TPSD1: variants seen among roughly 807,000 people sequenced by gnomAD.
The protein encoded by TPSD1 is tryptase delta 1.
In TPSD1, 30 loss-of-function variants were observed where a neutral mutation model predicts 25.4. That is an observed-to-expected ratio of 1.18 (90% CI 0.88 to 1.60). The LOEUF (loss-of-function observed/expected upper bound fraction) is 1.60, where lower values mean the gene tolerates loss of function less well. Among genes scored for constraint, TPSD1 ranks in the 40% most tolerant of loss-of-function variants. The pLI is 0.00. For missense variants in TPSD1, 420 were observed against 324.2 expected, an observed-to-expected ratio of 1.30 and a Z score of -2.27; for synonymous variants, 176 against 149.4, an observed-to-expected ratio of 1.18 and a Z score of -1.30.
rs1185082862 is a variant in TPSD1, at chr16:1,256,172, C to A, written c.-109C>A. On this transcript the variant is annotated 5_prime_UTR_variant, in exon 1 of 5. Transcript: ENST00000211076. ...CAGCCTCAGACTCAGAGCACCAAGACCCAGGCCCGCAGGCCTGGACCCACC... is the reference window on the plus strand; with the variant it reads ...CAGCCTCAGACTCAGAGCACCAAGAACCAGGCCCGCAGGCCTGGACCCACC... 14 of 1,518,030 alleles carry A rather than the reference C, an allele frequency of 9.2e-6. No individual in the cohort carries two copies. The highest frequency in any genetic ancestry group is 1.2e-5 in the Non-Finnish European group (13 of 1,110,960). 94.0% of individuals were successfully genotyped at this position (1,518,030 alleles called of 1,614,324 possible). A position where few individuals can be genotyped will look rare whatever the true frequency, so the allele number is the denominator to read the frequency against.
rs1567577637 is a variant in TPSD1 at position 1,256,562 on chromosome 16, G to A, written c.129G>A (p.Glu43=). 1.9e-6 allele frequency: 3 copies of A among 1,611,860 alleles called. No homozygotes were observed. The highest frequency in any genetic ancestry group is 2.7e-5 in the African/African-American group (2 of 75,000). ...AAACGGGCATTGTTGGGGGGCAGGA[G>A]GCCCCCAGGAGCAAGTGGCCCTGGC... ...LQQTGIVGGQ[E]APRSKWPWQV... is the part of the protein sequence containing the mutation. The change falls in exon 2 of 5, where the codon GAG becomes GAA. Residue 43 remains glutamate, a synonymous_variant. Coordinates refer to ENST00000211076, the MANE Select transcript of TPSD1 (RefSeq NM_012217.3).
chr16:1,257,745 C>T (rs1354349565), intron 3 of TPSD1, among the ~76,000 whole-genome samples: 13 of 152,294 alleles, frequency 8.5e-5, no homozygotes, highest in African/African-American at 2.6e-4. Flanking sequence ...ATGGGCCTAG[C>T]CCAGACGAAA....
chr16:1,257,254 C>G, intron 3 of TPSD1, 192 bp downstream of exon 3: 1 of 748,768 alleles, frequency 1.3e-6, no homozygotes, highest in Non-Finnish European at 2.1e-6. Flanking sequence ...AGGGCCTGGG[C>G]GTCCCCCACC....
Position 1,258,911 on chromosome 16 carries a change from C to G in TPSD1, c.*535C>G, listed in dbSNP as rs1203468251. On this transcript the variant is annotated 3_prime_UTR_variant, in exon 5 of 5. Coordinates refer to ENST00000211076, the MANE Select transcript of TPSD1 (RefSeq NM_012217.3). ...GCCTCCTCCCCAACCCTGAATCCGC[C>G]CCTCCCGGCCCCTCCGGCCCTCCCC... is the stretch of plus-strand genomic sequence containing the variant. 2.5e-5 allele frequency: 3 copies of G among 118,210 alleles called. No individual in the cohort carries two copies. Among genetic ancestry groups the G allele is most frequent in the African/African-American group, 9.7e-5 (3 of 30,806 alleles). The allele number at this position is 118,210 out of a possible 1,614,324, so 7.3% of individuals were successfully genotyped here.
rs12917724 is a variant in TPSD1 at position 1,257,295 on chromosome 16, C to G, written c.520+233C>G. The stretch of plus-strand genomic sequence containing the variant: ...GGTTTGGAGAGTCCCTTAGCACCTC[C>G]GTGCCTCGGTTTCCCCTTGCCTGAA... On this transcript the variant is annotated intron_variant, in intron 3 of 4. Transcript: ENST00000211076. 8.5e-6 allele frequency: 5 copies of G among 588,930 alleles called. No individual in the cohort carries two copies. The African/African-American group carries it at 9.3e-5, about 11-fold the overall frequency. 36.5% of individuals were successfully genotyped at this position (588,930 alleles called of 1,614,324 possible). A position where few individuals can be genotyped will look rare whatever the true frequency, so the allele number is the denominator to read the frequency against.
In TPSD1 at chr16:1,258,481, C is replaced by G; in HGVS notation, c.*105C>G. The G allele has an allele frequency of 6.2e-7, 1 of 1,613,320 alleles. No homozygotes were observed. Among genetic ancestry groups the G allele is most frequent in the Non-Finnish European group, 8.5e-7 (1 of 1,179,712 alleles). ...ACTTGGACTGGATCCACCACTATGTCCCCAAGAAGCCCTGAGCCAGGCCTG... is the reference window on the plus strand; with the variant it reads ...ACTTGGACTGGATCCACCACTATGTGCCCAAGAAGCCCTGAGCCAGGCCTG... On this transcript the variant is annotated 3_prime_UTR_variant, in exon 5 of 5. Coordinates refer to ENST00000211076, the MANE Select transcript of TPSD1 (RefSeq NM_012217.3).
chr16:1,257,739 G>T (rs2031005654), intron 3 of TPSD1, among the ~76,000 whole-genome samples: 1 of 152,164 alleles, frequency 6.6e-6, no homozygotes, highest in Non-Finnish European at 1.5e-5. Flanking sequence ...TGGACCATGG[G>T]CCTAGCCCAG....
intron 3 of TPSD1, 45 bp from the exon 4 acceptor site, chr16:1,258,014 C>A (rs1429478397): frequency 5.2e-6 from 8 of 1,542,776 alleles, no homozygotes; most frequent in Non-Finnish European, 6.1e-6. Flanking sequence ...CGAAGCAGCA[C>A]CCAGCCGGCC....
At chr16:1,257,193 C>A in intron 3 of TPSD1, 131 bp downstream of exon 3, 1 of 1,300,140 alleles carries the variant, frequency 7.7e-7, no homozygotes, top group Middle Eastern at 2.5e-4. Flanking sequence ...ATGGATGGAG[C>A]AGGCGGTGGC....
chr16:1,258,413 G>A lies in TPSD1; in HGVS notation c.*37G>A, dbSNP rs181825594. The A allele has an allele frequency of 4.8e-4, 769 of 1,613,300 alleles. 3 individuals carry two copies. The African/African-American group carries it at 7.5e-3, about 16-fold the overall frequency. On this transcript the variant is annotated 3_prime_UTR_variant, in exon 5 of 5. Transcript: ENST00000211076. ...CGTGGTCAGCTGGGAGGAGAGCTGT[G>A]CCCAGCCCAACCGGCCTGGCATCTA...
chr16:1,257,843 C>G (rs1488164454), intron 3 of TPSD1: 1 of 613,994 alleles, frequency 1.6e-6, no homozygotes, highest in Admixed American at 3.0e-5. Flanking sequence ...GCCCTCCCCT[C>G]CCTTCCCCAG....
At chr16:1,257,249 C>T in intron 3 of TPSD1, 187 bp downstream of exon 3, 2 of 789,082 alleles carry the variant, frequency 2.5e-6, no homozygotes, top group South Asian at 1.9e-5. Context: ...TCCAAAGGGC[C>T]TGGGCGTCCC....
Position 1,256,171 on chromosome 16 carries a change from A to G in TPSD1, c.-110A>G. ...CCAGCCTCAGACTCAGAGCACCAAG[A>G]CCCAGGCCCGCAGGCCTGGACCCAC... On this transcript the variant is annotated 5_prime_UTR_variant, in exon 1 of 5. Transcript: ENST00000211076. 1 of 1,510,560 alleles carries G rather than the reference A, an allele frequency of 6.6e-7. No homozygotes were observed. The highest frequency in any genetic ancestry group is 9.1e-7 in the Non-Finnish European group (1 of 1,104,446). 93.6% of individuals were successfully genotyped at this position (1,510,560 alleles called of 1,614,324 possible).
chr16:1,258,515 A>G lies in TPSD1; in HGVS notation c.*139A>G, dbSNP rs1462712520. The G allele has an allele frequency of 6.2e-6, 10 of 1,606,330 alleles. No individual in the cohort carries two copies. The Admixed American group carries it at 1.5e-4, about 24-fold the overall frequency. On this transcript the variant is annotated 3_prime_UTR_variant, in exon 5 of 5. Transcript: ENST00000211076. ...GCCCTGAGCCAGGCCTGGGGTGTCC[A>G]CCCGGGTCACTGGAGGGCCAGCCCC...
chr16:1,257,779 A>T (rs1198751662), intron 3 of TPSD1, among the ~76,000 whole-genome samples: 2 of 152,158 alleles, frequency 1.3e-5, no homozygotes, highest in African/African-American at 4.8e-5. Context: ...AGGGGGAGAC[A>T]CGGGTCGGGC....
At position 1,256,569 on chromosome 16, in the gene TPSD1, A is replaced by G. The variant is rs752929265; in HGVS notation, c.136A>G (p.Arg46Gly). ...CATTGTTGGGGGGCAGGAGGCCCCC[A>G]GGAGCAAGTGGCCCTGGCAGGTGAG... is the stretch of plus-strand genomic sequence containing the variant. ...TGIVGGQEAP[R>G]SKWPWQVSLR... The change falls in exon 2 of 5, where the codon AGG becomes GGG. Residue 46 changes from arginine (R) to glycine (G), a missense_variant. By Grantham distance (125) the Arg-to-Gly change is moderately radical. Transcript: ENST00000211076. 1.4e-5 allele frequency: 23 copies of G among 1,612,156 alleles called. No homozygotes were observed. In the African/African-American group the frequency reaches 2.5e-4, roughly 18 times the overall value.
intron 3 of TPSD1, 55 bp downstream of exon 3, chr16:1,257,117 C>T: frequency 2.0e-6 from 3 of 1,528,010 alleles, no homozygotes; most frequent in African/African-American, 1.4e-5. Context: ...GTCACAGCCA[C>T]AGGCCAGTCC....
rs774535073 is a variant in TPSD1, at chr16:1,256,672, C to A, written c.239C>A (p.Ala80Glu). 5 of 1,611,438 alleles carry A rather than the reference C, an allele frequency of 3.1e-6. No individual in the cohort carries two copies. The highest frequency in any genetic ancestry group is 3.4e-6 in the Non-Finnish European group (4 of 1,178,976). ...LIHPQWVLTAAHCVEPDIKDL... is the reference protein window; with the variant it reads ...LIHPQWVLTAEHCVEPDIKDL... Reference sequence around the variant, plus strand: ...CACCCCCAGTGGGTGCTAACCGCGGCGCACTGCGTGGAACCGTGAGTCTCC... The same window carrying A: ...CACCCCCAGTGGGTGCTAACCGCGGAGCACTGCGTGGAACCGTGAGTCTCC... The change falls in exon 2 of 5, where the codon GCG becomes GAG. Residue 80 changes from alanine (A) to glutamate (E), a missense_variant. Ala to Glu is a moderately radical substitution (Grantham distance 107). Transcript: ENST00000211076.
chr16:1,257,950 A>G, intron 3 of TPSD1, 109 bp from the exon 4 acceptor site: 3 of 1,212,672 alleles, frequency 2.5e-6, no homozygotes, highest in Non-Finnish European at 3.5e-6. Context: ...GGCACAGAAC[A>G]GCACTGGGCC....
Sources: allele counts gnomAD v4.1 joint callset (sites outside exome capture counted in the v4.1 genomes callset), GRCh38; gene constraint gnomAD v4.1.1; transcripts MANE v1.5; gene names NCBI Gene and HGNC (gene_info 2026-07-23, HGNC 2026-07-21).